The following MIER2 variants were observed in gnomAD, a reference collection of about 807,000 sequenced individuals.
The protein encoded by MIER2 is mesoderm induction early response protein 2.
Under a neutral mutation model 67.6 loss-of-function variants are expected in MIER2, and 30 were observed. That is an observed-to-expected ratio of 0.44 (90% confidence interval 0.33 to 0.60). The LOEUF is 0.60. MIER2 is among the 20% of genes least tolerant of loss of function. MIER2 has a pLI of 0.02. For synonymous variants in MIER2, 372 were observed against 312.6 expected (o/e 1.19, Z -2.00); for missense variants, 702 against 745.1 (o/e 0.94, Z 0.67).
Position 321,505 on chromosome 19 carries a change from C to T in MIER2, c.655+4130G>A, listed in dbSNP as rs371355421. ...GCTAAAAATACAAAAATGAGCCAGG[C>T]GTGGTGGCGGGTGCCTGTACTCCCA... On this transcript the variant is annotated intron_variant, in intron 7 of 13. Coordinates refer to ENST00000264819, the MANE Select transcript of MIER2 (RefSeq NM_017550.3). 1.6e-3 allele frequency among the ~76,000 whole-genome samples: 243 copies of T among 152,056 alleles called. 1 individual carries two copies. Among genetic ancestry groups the T allele is most frequent in the African/African-American group, 5.3e-3 (220 of 41,496 alleles).
At chr19:335,706 C>T (rs1454403578) in intron 2 of MIER2, among the ~76,000 whole-genome samples, 1 of 152,166 alleles carries the variant, frequency 6.6e-6, no homozygotes. Flanking sequence ...GCAGGGAACC[C>T]GGGGTGCTGC....
chr19:327,502 G>C (rs1971815609), intron 4 of MIER2, among the ~76,000 whole-genome samples: 1 of 152,222 alleles, frequency 6.6e-6, no homozygotes, highest in South Asian at 2.1e-4. Flanking sequence ...CGGAGTGCAT[G>C]GCTCTTTCTC....
chr19:328,352 C>T (rs1369288129), intron 3 of MIER2, among the ~76,000 whole-genome samples: 2 of 149,574 alleles, frequency 1.3e-5, no homozygotes, highest in Non-Finnish European at 3.0e-5. Flanking sequence ...TGTAACTCAA[C>T]ATCAATATAT....
At chr19:334,661 C>T in intron 2 of MIER2, 119 bp from the exon 3 acceptor site, 2 of 1,387,674 alleles carry the variant, frequency 1.4e-6, no homozygotes, top group South Asian at 1.4e-5. Flanking sequence ...CTGCCAGGAT[C>T]AGCCTCATGA....
intron 1 of MIER2, among the ~76,000 whole-genome samples, chr19:339,592 C>G (rs2145562381): frequency 6.6e-6 from 1 of 152,194 alleles, no homozygotes; most frequent in East Asian, 1.9e-4. Context: ...AGGTCAGGGT[C>G]CTAATATCCA....
intron 10 of MIER2, among the ~76,000 whole-genome samples, chr19:309,536 A>AAC (rs1970825152): frequency 6.7e-6 from 1 of 149,710 alleles, no homozygotes; most frequent in African/African-American, 2.5e-5. Context: ...TAAAGGGCCA[A>AAC]ACACACATGC....
chr19:326,273 G>C (rs74468473), intron 6 of MIER2, among the ~76,000 whole-genome samples: 1 of 150,064 alleles, frequency 6.7e-6, no homozygotes, highest in Non-Finnish European at 1.5e-5. Flanking sequence ...AGTTTGGGGA[G>C]ACGGCAGAAC....
At chr19:324,577 C>T (rs1377280455) in intron 7 of MIER2, among the ~76,000 whole-genome samples, 1 of 135,902 alleles carries the variant, frequency 7.4e-6, no homozygotes, top group Non-Finnish European at 1.5e-5. Context: ...ATGACACAGA[C>T]GTCATCACAA....
chr19:331,568 C>T (rs1278868179), intron 3 of MIER2, among the ~76,000 whole-genome samples: 2 of 152,094 alleles, frequency 1.3e-5, no homozygotes, highest in African/African-American at 4.8e-5. Flanking sequence ...ATTCAGGAGG[C>T]TGAGGCAGGA....
chr19:334,061 G>C (rs1036837791), intron 3 of MIER2: 2 of 212,882 alleles, frequency 9.4e-6, no homozygotes, highest in African/African-American at 4.7e-5. Context: ...CTGATCTCAA[G>C]TGATCCACCC....
chr19:311,113 A>C (rs772716719), intron 10 of MIER2, among the ~76,000 whole-genome samples: 13 of 152,248 alleles, frequency 8.5e-5, no homozygotes, highest in Non-Finnish European at 1.6e-4. Flanking sequence ...CAAATGGAGC[A>C]CGGTCCCAGG....
intron 7 of MIER2, among the ~76,000 whole-genome samples, chr19:319,369 C>A (rs1020258814): frequency 1.3e-5 from 2 of 152,148 alleles, no homozygotes; most frequent in African/African-American, 4.8e-5. Flanking sequence ...CACACACACA[C>A]ACAAAAAGTA....
chr19:344,555 G>A, intron 1 of MIER2: 1 of 270,676 alleles, frequency 3.7e-6, no homozygotes, highest in Non-Finnish European at 5.3e-6. Flanking sequence ...AGCCCGCGAT[G>A]TGGCAGCCGG....
intron 12 of MIER2, 42 bp from the exon 13 acceptor site, chr19:307,578 C>A: frequency 6.8e-7 from 1 of 1,466,950 alleles, no homozygotes; most frequent in East Asian, 2.4e-5. Context: ...CTGCCCACAG[C>A]CGCGGATCCT....
chr19:313,920 C>T (rs1053948994), intron 7 of MIER2, among the ~76,000 whole-genome samples: 18 of 152,110 alleles, frequency 1.2e-4, no homozygotes, highest in African/African-American at 3.6e-4. Context: ...TCAGCAGGGG[C>T]GCCTGATCCA....
At position 327,260 on chromosome 19, in the gene MIER2, TAAAA is replaced by T; in HGVS notation, c.370-8_370-5del. 2.1e-6 allele frequency: 3 copies of T among 1,461,608 alleles called. No individual in the cohort carries two copies. The highest frequency in any genetic ancestry group is 1.8e-6 in the Non-Finnish European group (2 of 1,091,678). 90.5% of individuals were successfully genotyped at this position (1,461,608 alleles called of 1,614,324 possible). On this transcript the variant is annotated splice_region_variant and splice_polypyrimidine_tract_variant and intron_variant, in intron 4 of 13. Transcript: ENST00000264819. ...GCAAATCCTTCGCTATTTGTTCCTT[TAAAA>T]AAAAAAAAAAAAGTAAAGAACATTT...
chr19:341,146 G>A (rs985832982), intron 1 of MIER2, among the ~76,000 whole-genome samples: 2 of 152,232 alleles, frequency 1.3e-5, no homozygotes, highest in Admixed American at 1.3e-4. Flanking sequence ...CCTCTGGGTA[G>A]GGGTCGAGGA....
intron 2 of MIER2, among the ~76,000 whole-genome samples, chr19:334,839 T>C (rs1972169637): frequency 6.6e-6 from 1 of 152,098 alleles, no homozygotes; most frequent in South Asian, 2.1e-4. Context: ...GCAAGTGGAC[T>C]AGAAAGAGAC....
At chr19:332,339 G>C (rs527331510) in intron 3 of MIER2, among the ~76,000 whole-genome samples, 1 of 152,124 alleles carries the variant, frequency 6.6e-6, no homozygotes, top group Non-Finnish European at 1.5e-5. Context: ...GTCTTGCTCT[G>C]TCCCCCAGGC....
Sources: allele counts gnomAD v4.1 joint callset (sites outside exome capture counted in the v4.1 genomes callset), GRCh38; gene constraint gnomAD v4.1.1; transcripts MANE v1.5; gene names NCBI Gene and HGNC (gene_info 2026-07-23, HGNC 2026-07-21).